Variants in XRN2 observed in about 807,000 individuals in gnomAD.
The protein encoded by XRN2 is DHM1-like protein.
XRN2 carries 44 observed loss-of-function variants against 138.5 expected under a neutral mutation model. The ratio of observed to expected loss-of-function variants is 0.32; its 90% confidence interval spans 0.25 to 0.41. The LOEUF (loss-of-function observed/expected upper bound fraction) is 0.41. Ranked by LOEUF, XRN2 falls within the 10% of genes least tolerant of loss-of-function variation. XRN2 has a pLI of 1.00. For missense variants in XRN2, 937 were observed against 1,169.3 expected, an observed-to-expected ratio of 0.80 and a Z score of 2.90; for synonymous variants, 354 against 369.4, an observed-to-expected ratio of 0.96 and a Z score of 0.48.
chr20:21,348,117 T>C (rs1416350058), intron 17 of XRN2, 29 bp from the exon 18 acceptor site: 12 of 1,572,996 alleles, frequency 7.6e-6, no homozygotes, highest in Middle Eastern at 1.7e-4. Context: ...AGGTTTTTGA[T>C]TTTGTTGTTA....
chr20:21,331,611 G>A lies in XRN2; in HGVS notation c.627G>A (p.Met209Ile). 1 of 1,612,398 alleles carries A rather than the reference G, an allele frequency of 6.2e-7. No homozygotes were observed. Among genetic ancestry groups the A allele is most frequent in the Non-Finnish European group, 8.5e-7 (1 of 1,179,612 alleles). The stretch of plus-strand genomic sequence containing the variant: ...CTGGTGAAGGAGAACATAAAATCAT[G>A]GATTACATTAGAAGGCAAAGAGGTA... Reference protein sequence around the residue: ...SAPGEGEHKIMDYIRRQRAQP... With the variant: ...SAPGEGEHKIIDYIRRQRAQP... Residue 209 changes from methionine to isoleucine, a missense_variant, in exon 7 of 30, where the codon ATG becomes ATA. By Grantham distance (10) the Met-to-Ile change is conservative. Coordinates refer to ENST00000377191, the MANE Select transcript of XRN2 (RefSeq NM_012255.5).
intron 27 of XRN2, among the ~76,000 whole-genome samples, chr20:21,379,233 C>CA (rs981914393): frequency 5.9e-5 from 9 of 152,154 alleles, no homozygotes; most frequent in Non-Finnish European, 1.0e-4. Flanking sequence ...TTCTGAAGTG[C>CA]AATTCACTGT....
Position 21,332,358 on chromosome 20 carries a change from A to C in XRN2, c.776A>C (p.Lys259Thr). 1 of 1,614,010 alleles carries C rather than the reference A, an allele frequency of 6.2e-7. No homozygotes were observed. ...ATTAGAGAAGAATTCAAACCAAACAAGCCCAAACCATGTGGTCTTTGTAAT... is the reference window on the plus strand; with the variant it reads ...ATTAGAGAAGAATTCAAACCAAACACGCCCAAACCATGTGGTCTTTGTAAT... ...TIIREEFKPN[K>T]PKPCGLCNQF... The change falls in exon 9 of 30, where the codon AAG becomes ACG. Residue 259 changes from lysine to threonine, a missense_variant. Lys to Thr is a moderately conservative substitution (Grantham distance 78). This residue lies in a region of XRN2 where 471 missense variants were observed against 581.2 expected (regional missense o/e 0.81). Transcript: ENST00000377191.
At chr20:21,383,141 G>C (rs138346716) in intron 28 of XRN2, among the ~76,000 whole-genome samples, 2 of 152,168 alleles carry the variant, frequency 1.3e-5, no homozygotes, top group Non-Finnish European at 2.9e-5. Flanking sequence ...TTTACTAATA[G>C]TGTCAACTTA....
At chr20:21,347,361 T>C (rs538215658) in intron 17 of XRN2, among the ~76,000 whole-genome samples, 2 of 152,318 alleles carry the variant, frequency 1.3e-5, no homozygotes, top group African/African-American at 4.8e-5. Context: ...GGTGAGAGAT[T>C]AGGTAGACAT....
intron 20 of XRN2, among the ~76,000 whole-genome samples, chr20:21,354,322 A>G (rs564933272): frequency 1.5e-4 from 23 of 152,328 alleles, no homozygotes; most frequent in African/African-American, 4.8e-4. Flanking sequence ...GAGGAGATCT[A>G]TGCATTTTGG....
rs1179657336 is a variant in XRN2, at chr20:21,333,719, C to A, written c.949C>A (p.Leu317Ile). Residue 317 changes from leucine to isoleucine, a missense_variant, in exon 11 of 30, where the codon CTC becomes ATC. Transcript: ENST00000377191. ...NVLREYLERE[L>I]TMASLPFTFD... is the part of the protein sequence containing the mutation. ...TTGGTTGTAGTATTTGGAAAGAGAA[C>A]TCACAATGGCCAGCCTACCATTCAC... The A allele has an allele frequency of 1.2e-6, 2 of 1,614,052 alleles. No homozygotes were observed. Among genetic ancestry groups the A allele is most frequent in the Admixed American group, 3.3e-5 (2 of 60,008 alleles).
In XRN2 at chr20:21,339,108, A is replaced by G. The variant is rs369487498; in HGVS notation, c.1278+20A>G. On this transcript the variant is annotated intron_variant, in intron 14 of 29. Transcript: ENST00000377191. Reference sequence around the variant, plus strand: ...ATGAAGGTGAGTTTTAATTAATTTCATGAGATTGGCAATAGCGTAATTTTA... The same window carrying G: ...ATGAAGGTGAGTTTTAATTAATTTCGTGAGATTGGCAATAGCGTAATTTTA... 1.3e-6 allele frequency: 2 copies of G among 1,599,124 alleles called. No individual in the cohort carries two copies. Among genetic ancestry groups the G allele is most frequent in the South Asian group, 1.1e-5 (1 of 89,474 alleles).
At chr20:21,358,475 A>G (rs1444746746) in intron 24 of XRN2, among the ~76,000 whole-genome samples, 2 of 152,196 alleles carry the variant, frequency 1.3e-5, no homozygotes, top group African/African-American at 2.4e-5. Flanking sequence ...CATTTTCTCC[A>G]ATCTTTAGGT....
chr20:21,378,751 C>T (rs1210294897), intron 27 of XRN2, among the ~76,000 whole-genome samples: 1 of 152,124 alleles, frequency 6.6e-6, no homozygotes, highest in Non-Finnish European at 1.5e-5. Flanking sequence ...TTTTTAGTAT[C>T]ATAATCATTT....
At chr20:21,346,344 G>C in intron 16 of XRN2, 71 bp from the exon 17 acceptor site, 13 of 1,570,634 alleles carry the variant, frequency 8.3e-6, no homozygotes, top group Non-Finnish European at 2.6e-6. Flanking sequence ...TTGATTTGGG[G>C]TATAAATTAG....
intron 13 of XRN2, among the ~76,000 whole-genome samples, chr20:21,336,969 T>C (rs1373804900): frequency 2.0e-5 from 3 of 152,166 alleles, no homozygotes; most frequent in African/African-American, 7.2e-5. Context: ...ATACTCAGGA[T>C]GTTCACAGAA....
chr20:21,348,018 A>G (rs946845950), intron 17 of XRN2, 128 bp from the exon 18 acceptor site: 1 of 734,596 alleles, frequency 1.4e-6, no homozygotes. Context: ...TATTTGGAAT[A>G]TATGCCAGAA....
chr20:21,383,538 T>C (rs1046088259), intron 28 of XRN2, among the ~76,000 whole-genome samples: 4 of 152,222 alleles, frequency 2.6e-5, no homozygotes, highest in Non-Finnish European at 5.9e-5. Context: ...GTCACTCTTT[T>C]GTGCCATTCT....
In XRN2 at chr20:21,386,860, T is replaced by A; in HGVS notation, c.2649-8T>A. 1.2e-6 allele frequency: 2 copies of A among 1,607,598 alleles called. No individual in the cohort carries two copies. The highest frequency in any genetic ancestry group is 1.1e-5 in the South Asian group (1 of 90,870). On this transcript the variant is annotated splice_polypyrimidine_tract_variant and splice_region_variant and intron_variant, in intron 28 of 29. Coordinates refer to ENST00000377191, the MANE Select transcript of XRN2 (RefSeq NM_012255.5). ...GGCTTCTGATGTAAAACTGGTACTTTCCTACAGAGGCGTTGGGGCTGAACC... is the reference window on the plus strand; with the variant it reads ...GGCTTCTGATGTAAAACTGGTACTTACCTACAGAGGCGTTGGGGCTGAACC...
chr20:21,340,821 C>G lies in XRN2; in HGVS notation c.1379C>G (p.Ala460Gly). 6.2e-7 allele frequency: 1 copy of G among 1,613,928 alleles called. No individual in the cohort carries two copies. Among genetic ancestry groups the G allele is most frequent in the East Asian group, 2.2e-5 (1 of 44,860 alleles). The change falls in exon 15 of 30, where the codon GCA becomes GGA. Residue 460 changes from alanine (A) to glycine (G), a missense_variant. By Grantham distance (60) the Ala-to-Gly change is moderately conservative (BLOSUM62 0). Coordinates refer to ENST00000377191, the MANE Select transcript of XRN2 (RefSeq NM_012255.5). ...CAAGTAGCCAGTAATCCGAGACAAGCAGCCTATGAAATGAGGATGCAGAAT... is the reference window on the plus strand; with the variant it reads ...CAAGTAGCCAGTAATCCGAGACAAGGAGCCTATGAAATGAGGATGCAGAAT... ...GSQVASNPRQ[A>G]AYEMRMQNNS...
rs2122201093 is a variant in XRN2 at position 21,326,510 on chromosome 20, A to G, written c.224A>G (p.Asp75Gly). ...PEDKPAPKNE[D>G]EMMVAIFEYI... ...TATAGACCAGCACCAAAAAATGAAG[A>G]TGAAATGATGGTTGCAATTTTTGAG... The change falls in exon 3 of 30, where the codon GAT becomes GGT. Residue 75 changes from aspartate (D) to glycine (G), a missense_variant. This residue lies in a region of XRN2 where 51 missense variants were observed against 93.5 expected (regional missense o/e 0.55). Transcript: ENST00000377191. 1 of 1,614,110 alleles carries G rather than the reference A, an allele frequency of 6.2e-7. No individual in the cohort carries two copies. Among genetic ancestry groups the G allele is most frequent in the Non-Finnish European group, 8.5e-7 (1 of 1,179,976 alleles).
intron 27 of XRN2, among the ~76,000 whole-genome samples, chr20:21,373,060 T>C (rs1382928899): frequency 6.6e-6 from 1 of 152,180 alleles, no homozygotes; most frequent in Non-Finnish European, 1.5e-5. Flanking sequence ...TTGCCCAGGC[T>C]GGAGTGCAGT....
At chr20:21,366,573 AAG>A (rs1491255842) in intron 26 of XRN2, among the ~76,000 whole-genome samples, 1 of 151,728 alleles carries the variant, frequency 6.6e-6, no homozygotes, top group African/African-American at 2.4e-5. Context: ...AAAAAAAAAA[AAG>A]GGAAAAAAAG....
Sources: gnomAD v4.1 joint callset for allele counts (sites outside exome capture counted in the v4.1 genomes callset) on GRCh38, gnomAD v4.1.1 for gene constraint, gnomAD v4.1.1 regional missense constraint, MANE v1.5 for transcripts, NCBI Gene and HGNC (gene_info 2026-07-23, HGNC 2026-07-21) for gene names.